CSMD3: variants seen among roughly 807,000 people sequenced by gnomAD.
The protein encoded by CSMD3 is CUB and Sushi multiple domains 3.
CSMD3 carries 177 observed loss-of-function variants against 435.2 expected under a neutral mutation model. The observed-to-expected ratio is 0.41, with a 90% CI of 0.36 to 0.46. The LOEUF is 0.46. Among genes scored for constraint, CSMD3 ranks in the 20% least tolerant of loss-of-function variants. The pLI is 0.34. For missense variants in CSMD3, 4,265 were observed against 4,504.6 expected (o/e 0.95, Z 1.52); for synonymous variants, 1,656 against 1,520.5 (o/e 1.09, Z -2.07).
At chr8:112,411,357 T>A (rs1238684500) in intron 32 of CSMD3, among the ~76,000 whole-genome samples, 1 of 151,754 alleles carries the variant, frequency 6.6e-6, no homozygotes, top group East Asian at 1.9e-4. Context: ...TTGGGAGAGT[T>A]GAGAAAGCTA....
chr8:113,420,847 G>A (rs1189385013), intron 1 of CSMD3, among the ~76,000 whole-genome samples: 1 of 151,810 alleles, frequency 6.6e-6, no homozygotes, highest in East Asian at 1.9e-4. Context: ...TGCTTGGGAG[G>A]CTGAGACAGG....
intron 5 of CSMD3, among the ~76,000 whole-genome samples, chr8:113,081,933 G>A (rs1158076296): frequency 1.3e-5 from 2 of 152,136 alleles, no homozygotes; most frequent in African/African-American, 4.8e-5. Flanking sequence ...ACCTGCAGCT[G>A]CCAGCAAGAA....
intron 24 of CSMD3, among the ~76,000 whole-genome samples, chr8:112,571,873 TAAA>T (rs546114366): frequency 7.5e-5 from 7 of 92,812 alleles, no homozygotes; most frequent in Non-Finnish European, 1.2e-4. Context: ...CTGTCTCAAA[TAAA>T]AAAAAAAAAA....
intron 53 of CSMD3, among the ~76,000 whole-genome samples, chr8:112,298,237 A>T (rs1381506309): frequency 6.6e-6 from 1 of 152,084 alleles, no homozygotes; most frequent in Non-Finnish European, 1.5e-5. Flanking sequence ...GATTTATATG[A>T]AACCGCAAAG....
chr8:113,148,835 G>A (rs2091738212), intron 4 of CSMD3, among the ~76,000 whole-genome samples: 1 of 151,514 alleles, frequency 6.6e-6, no homozygotes, highest in Admixed American at 6.6e-5. Flanking sequence ...ATAAAAAACA[G>A]AACTAAATAT....
At chr8:113,207,028 C>T (rs147944101) in intron 3 of CSMD3, among the ~76,000 whole-genome samples, 252 of 152,254 alleles carry the variant, frequency 1.7e-3, no homozygotes, top group African/African-American at 5.9e-3. Flanking sequence ...GTTCTCCAAA[C>T]AGATATACTA....
intron 66 of CSMD3, 59 bp from the exon 67 acceptor site, chr8:112,237,407 T>G: frequency 8.3e-7 from 1 of 1,200,702 alleles, no homozygotes; most frequent in Non-Finnish European, 1.2e-6. Context: ...AATATAAGCA[T>G]TAAATAGAGT....
intron 1 of CSMD3, among the ~76,000 whole-genome samples, chr8:113,404,742 T>C (rs980895234): frequency 2.0e-5 from 3 of 151,292 alleles, no homozygotes; most frequent in Non-Finnish European, 4.4e-5. Flanking sequence ...AAATATGGCA[T>C]AACCATTTTA....
At chr8:112,479,076 G>A (rs2130788737) in intron 31 of CSMD3, among the ~76,000 whole-genome samples, 1 of 152,186 alleles carries the variant, frequency 6.6e-6, no homozygotes, top group East Asian at 1.9e-4. Flanking sequence ...TCCTTCTTGG[G>A]TTCAGTACAA....
intron 32 of CSMD3, among the ~76,000 whole-genome samples, chr8:112,452,583 T>C (rs1473383720): frequency 6.6e-6 from 1 of 152,220 alleles, no homozygotes. Context: ...TAGAAGTACC[T>C]ACCTACTGGT....
intron 35 of CSMD3, among the ~76,000 whole-genome samples, chr8:112,391,252 T>A (rs1282269498): frequency 6.6e-6 from 1 of 152,202 alleles, no homozygotes; most frequent in Admixed American, 6.5e-5. Flanking sequence ...TAGAGCCTAC[T>A]ATATGCGAGG....
At position 112,454,564 on chromosome 8, in the gene CSMD3, G is replaced by A. The variant is rs569748302; in HGVS notation, c.5395+18027C>T. On this transcript the variant is annotated intron_variant, in intron 32 of 70. Coordinates refer to ENST00000297405, the MANE Select transcript of CSMD3 (RefSeq NM_198123.2). Reference sequence around the variant, plus strand: ...ATACCATCTCACATTAGTCAGAATGGTTATTATTAAAAAGTTAAAAAATAA... The same window carrying A: ...ATACCATCTCACATTAGTCAGAATGATTATTATTAAAAAGTTAAAAAATAA... Among the ~76,000 whole-genome samples the A allele has an allele frequency of 2.0e-5, 3 of 152,208 alleles. No individual in the cohort carries two copies. The South Asian group carries it at 6.2e-4, about 32-fold the overall frequency.
intron 12 of CSMD3, 64 bp from the exon 13 acceptor site, chr8:112,800,338 T>C (rs1310652440): frequency 7.7e-6 from 8 of 1,034,856 alleles, no homozygotes; most frequent in Non-Finnish European, 1.2e-5. Flanking sequence ...ATACAAATTA[T>C]AAGACAGATG....
At chr8:112,800,422 G>GA (rs1316820035) in intron 12 of CSMD3, 148 bp from the exon 13 acceptor site, 21 of 671,024 alleles carry the variant, frequency 3.1e-5, no homozygotes, top group South Asian at 9.8e-5. Context: ...TGTGACAGAA[G>GA]AAAAAACTAC....
At chr8:112,402,309 G>A (rs1831414707) in intron 35 of CSMD3, among the ~76,000 whole-genome samples, 1 of 152,122 alleles carries the variant, frequency 6.6e-6, no homozygotes, top group African/African-American at 2.4e-5. Flanking sequence ...CAGCTCTGAT[G>A]ATTTCACTCA....
At chr8:112,801,507 C>A (rs2078961615) in intron 12 of CSMD3, among the ~76,000 whole-genome samples, 1 of 151,994 alleles carries the variant, frequency 6.6e-6, no homozygotes, top group Admixed American at 6.6e-5. Flanking sequence ...TACCAAGATA[C>A]CATAATGCAT....
rs767266590 is a variant in CSMD3 at position 112,351,270 on chromosome 8, A to C, written c.6256-26T>G. The C allele has an allele frequency of 2.7e-6, 4 of 1,496,384 alleles. No individual in the cohort carries two copies. In the Admixed American group the frequency reaches 6.7e-5, roughly 25 times the overall value. The allele number at this position is 1,496,384 out of a possible 1,614,324, so 92.7% of individuals were successfully genotyped here. A position where few individuals can be genotyped will look rare whatever the true frequency, so the allele number is the denominator to read the frequency against. The stretch of plus-strand genomic sequence containing the variant: ...CTACATAAACAAAATGATGTGGTTC[A>C]GTACACATACATAAAAAGTTTAAAT... On this transcript the variant is annotated intron_variant, in intron 39 of 70. Coordinates refer to ENST00000297405, the MANE Select transcript of CSMD3 (RefSeq NM_198123.2).
chr8:112,228,776 T>C lies in CSMD3; in HGVS notation c.10944A>G (p.Gly3648=), dbSNP rs532989430. 1.3e-6 allele frequency: 2 copies of C among 1,595,050 alleles called. No individual in the cohort carries two copies. Among genetic ancestry groups the C allele is most frequent in the South Asian group, 1.1e-5 (1 of 90,660 alleles). The change falls in exon 70 of 71, where the codon GGA becomes GGG. Residue 3648 remains glycine, a synonymous_variant. Transcript: ENST00000297405. ...PFFALIFAGF[G]FYLYKQRTAP... ...CTTACCTTTGTTTATAAAGATAAAA[T>C]CCAAATCCTGCAAATATAAGTGCAA...
intron 6 of CSMD3, among the ~76,000 whole-genome samples, chr8:112,988,691 AGTC>A (rs2085341253): frequency 6.6e-6 from 1 of 152,008 alleles, no homozygotes; most frequent in Non-Finnish European, 1.5e-5. Context: ...ATTTCTTGCA[AGTC>A]GTCTTTTTTC....
Sources: gnomAD v4.1 joint callset for allele counts (sites outside exome capture counted in the v4.1 genomes callset) on GRCh38, gnomAD v4.1.1 for gene constraint, MANE v1.5 for transcripts, NCBI Gene and HGNC (gene_info 2026-07-23, HGNC 2026-07-21) for gene names.